TOPAZ1: variants seen among roughly 807,000 people sequenced by gnomAD.
TOPAZ1 encodes the protein testis and ovary specific TOPAZ 1.
Under a neutral mutation model 172.2 loss-of-function variants are expected in TOPAZ1, and 66 were observed. The ratio of observed to expected loss-of-function variants is 0.38; its 90% CI spans 0.31 to 0.47. The LOEUF is 0.47. TOPAZ1 is among the 20% of genes least tolerant of loss of function. The pLI is 0.99. For synonymous variants in TOPAZ1, 681 were observed against 683.9 expected (o/e 1.00, Z 0.07); for missense variants, 1,822 against 1,972.4 (o/e 0.92, Z 1.44).
chr3:44,317,790 G>C (rs2125703820), intron 16 of TOPAZ1, among the ~76,000 whole-genome samples: 1 of 152,256 alleles, frequency 6.6e-6, no homozygotes, highest in East Asian at 1.9e-4. Flanking sequence ...AAGCCCACTA[G>C]TAAACTGTTT....
In TOPAZ1 at chr3:44,243,658, A is replaced by G; in HGVS notation, c.1152A>G (p.Val384=). 1 of 1,550,166 alleles carries G rather than the reference A, an allele frequency of 6.5e-7. No individual in the cohort carries two copies. Reference sequence around the variant, plus strand: ...GTCCTTTAAATGTTTTGAGAAAAGTAAGCCATAATACAGTCTCTTTGATGG... The same window carrying G: ...GTCCTTTAAATGTTTTGAGAAAAGTGAGCCATAATACAGTCTCTTTGATGG... ...TKSPLNVLRK[V]SHNTVSLMDH... is the part of the protein sequence containing the mutation. The change falls in exon 2 of 20, where the codon GTA becomes GTG. Residue 384 remains valine (V), a synonymous_variant. Transcript: ENST00000309765.
chr3:44,244,788 T>G lies in TOPAZ1; in HGVS notation c.2282T>G (p.Phe761Cys), dbSNP rs1317181169. The change falls in exon 2 of 20, where the codon TTC becomes TGC. Residue 761 changes from phenylalanine (F) to cysteine (C), a missense_variant. Phe to Cys is a radical substitution (Grantham distance 205, BLOSUM62 -2). Transcript: ENST00000309765. ...CCAGTGCAAGCTAGTTCTGACTCAT[T>G]CTACAATAAGAAATCCTATAGTATT... is the stretch of plus-strand genomic sequence containing the variant. ...VTPVQASSDS[F>C]YNKKSYSISP... 6.4e-7 allele frequency: 1 copy of G among 1,551,504 alleles called. No individual in the cohort carries two copies. Among genetic ancestry groups the G allele is most frequent in the Non-Finnish European group, 8.7e-7 (1 of 1,146,998 alleles).
downstream of TOPAZ1, among the ~76,000 whole-genome samples, chr3:44,335,663 C>A (rs943908974): frequency 1.3e-5 from 2 of 152,104 alleles, no homozygotes; most frequent in Non-Finnish European, 2.9e-5. Flanking sequence ...GAGGGCCCCT[C>A]AATCTTGGGC....
At chr3:44,276,655 CA>C (rs1699963657) in intron 8 of TOPAZ1, among the ~76,000 whole-genome samples, 1 of 13,656 alleles carries the variant, frequency 7.3e-5, no homozygotes, top group African/African-American at 3.4e-4. Flanking sequence ...TTTTTTTTTC[CA>C]GAATTGCTTG....
chr3:44,265,428 G>A lies in TOPAZ1; in HGVS notation c.3021-1569G>A, dbSNP rs181441529. Among the ~76,000 whole-genome samples, 541 of 152,248 alleles carry A rather than the reference G, an allele frequency of 3.6e-3. 1 individual carries two copies. Among genetic ancestry groups the A allele is most frequent in the Middle Eastern group, 6.8e-3 (2 of 294 alleles). ...CATAATTAGCCAGGCGTGGTGGCGG[G>A]CACTTGTAATCCTAGCTACTCAGGA... On this transcript the variant is annotated intron_variant, in intron 5 of 19. Coordinates refer to ENST00000309765, the MANE Select transcript of TOPAZ1 (RefSeq NM_001145030.2).
At position 44,306,346 on chromosome 3, in the gene TOPAZ1, A is replaced by G; in HGVS notation, c.4060A>G (p.Ser1354Gly). The G allele has an allele frequency of 6.5e-7, 1 of 1,545,994 alleles. No homozygotes were observed. The highest frequency in any genetic ancestry group is 8.8e-7 in the Non-Finnish European group (1 of 1,142,798). ...TTCAGTTAGCAAAGATCCACAAAACAGTAAAGTAGATAAAGGTGTACTGGG... is the reference window on the plus strand; with the variant it reads ...TTCAGTTAGCAAAGATCCACAAAACGGTAAAGTAGATAAAGGTGTACTGGG... Reference protein sequence around the residue: ...AETVSKDPQNSKVDKGVLGRI... With the variant: ...AETVSKDPQNGKVDKGVLGRI... The change falls in exon 15 of 20, where the codon AGT becomes GGT. Residue 1354 changes from serine (S) to glycine (G), a missense_variant. This residue lies in a region of TOPAZ1 where 333 missense variants were observed against 481.7 expected (regional missense o/e 0.69). Transcript: ENST00000309765.
At chr3:44,334,482 A>G (rs564807095), downstream of TOPAZ1, among the ~76,000 whole-genome samples, 39 of 152,320 alleles carry the variant, frequency 2.6e-4, no homozygotes, top group South Asian at 7.7e-3. Context: ...GATTCCATCA[A>G]GAGGCCCCAT....
At position 44,269,286 on chromosome 3, in the gene TOPAZ1, G is replaced by A. The variant is rs1311054575; in HGVS notation, c.3231G>A (p.Arg1077=). 4 of 1,541,812 alleles carry A rather than the reference G, an allele frequency of 2.6e-6. No homozygotes were observed. The highest frequency in any genetic ancestry group is 3.5e-6 in the Non-Finnish European group (4 of 1,139,668). Residue 1077 remains arginine, a synonymous_variant, in exon 7 of 20, where the codon AGG becomes AGA. Transcript: ENST00000309765. ...CTGAAACTTGTGAAATATTCAAGAG[G>A]GAAAAAAATGTGGGGGTAAGTCTAC... The part of the protein sequence containing the change: ...QNPETCEIFK[R]EKNVGVFQKS...
intron 2 of TOPAZ1, among the ~76,000 whole-genome samples, chr3:44,251,178 T>C (rs1699625907): frequency 6.6e-6 from 1 of 152,090 alleles, no homozygotes; most frequent in African/African-American, 2.4e-5. Flanking sequence ...TGGAGTGCAG[T>C]GATGCCATCA....
intron 12 of TOPAZ1, among the ~76,000 whole-genome samples, chr3:44,297,369 C>T (rs1700211737): frequency 6.9e-6 from 1 of 145,760 alleles, no homozygotes; most frequent in South Asian, 2.1e-4. Context: ...TTCATCATAT[C>T]TACAACATAA....
intron 4 of TOPAZ1, among the ~76,000 whole-genome samples, chr3:44,260,755 G>T (rs1194813340): frequency 6.6e-6 from 1 of 151,812 alleles, no homozygotes; most frequent in Non-Finnish European, 1.5e-5. Context: ...TATTTGATTT[G>T]TTTTGCTATT....
chr3:44,321,105 C>T lies in TOPAZ1; in HGVS notation c.4385C>T (p.Thr1462Ile). 1 of 1,550,470 alleles carries T rather than the reference C, an allele frequency of 6.4e-7. No homozygotes were observed. Among genetic ancestry groups the T allele is most frequent in the Non-Finnish European group, 8.7e-7 (1 of 1,145,916 alleles). Reference sequence around the variant, plus strand: ...CTTAATCGACATAATTTACTCTGTACAATTGCACATGAAATCTTAGCCAAG... The same window carrying T: ...CTTAATCGACATAATTTACTCTGTATAATTGCACATGAAATCTTAGCCAAG... ...DVLNRHNLLC[T>I]IAHEILAKSL... is the part of the protein sequence containing the mutation. Residue 1462 changes from threonine (T) to isoleucine (I), a missense_variant, in exon 17 of 20, where the codon ACA (threonine) becomes ATA (isoleucine). Physicochemically the swap from Thr to Ile is moderately conservative, Grantham distance 89. Around this residue, in one of 2 missense-constraint regions of TOPAZ1, gnomAD observed 333 missense variants for 481.7 expected, o/e 0.69. Transcript: ENST00000309765.
intron 18 of TOPAZ1, among the ~76,000 whole-genome samples, chr3:44,324,299 C>G (rs564238920): frequency 6.6e-6 from 1 of 152,186 alleles, no homozygotes; most frequent in East Asian, 1.9e-4. Flanking sequence ...AAAGGGTGAT[C>G]AGAAATTTAG....
Position 44,256,281 on chromosome 3 carries a change from A to C in TOPAZ1, c.2955+3A>C. On this transcript the variant is annotated splice_donor_region_variant and intron_variant, in intron 4 of 19. Coordinates refer to ENST00000309765, the MANE Select transcript of TOPAZ1 (RefSeq NM_001145030.2). ...AAGGTTCAGACTTGGATGAAAAGGT[A>C]CTAGGGGATCTTTTGTGTTTTTTTA... The C allele has an allele frequency of 1.3e-6, 2 of 1,510,014 alleles. No individual in the cohort carries two copies. The highest frequency in any genetic ancestry group is 3.4e-4 in the Middle Eastern group (2 of 5,898). 93.5% of individuals were successfully genotyped at this position (1,510,014 alleles called of 1,614,324 possible).
Position 44,244,299 on chromosome 3 carries a change from C to T in TOPAZ1, c.1793C>T (p.Ser598Leu), listed in dbSNP as rs1699530917. The change falls in exon 2 of 20, where the codon TCA (serine) becomes TTA (leucine). Residue 598 changes from serine to leucine, a missense_variant. Ser to Leu is a moderately radical substitution (Grantham distance 145, BLOSUM62 -2). Coordinates refer to ENST00000309765, the MANE Select transcript of TOPAZ1 (RefSeq NM_001145030.2). ...PIIKDDKKIKSEELSRRGSEV... is the reference protein window; with the variant it reads ...PIIKDDKKIKLEELSRRGSEV... ...ATCAAGGATGATAAAAAGATAAAAT[C>T]AGAGGAACTGAGCAGAAGAGGGTCA... 3.2e-6 allele frequency: 5 copies of T among 1,550,606 alleles called. No homozygotes were observed. Among genetic ancestry groups the T allele is most frequent in the Admixed American group, 2.0e-5 (1 of 50,852 alleles).
chr3:44,324,208 G>A (rs896211813), intron 18 of TOPAZ1, among the ~76,000 whole-genome samples: 3 of 152,256 alleles, frequency 2.0e-5, no homozygotes, highest in African/African-American at 4.8e-5. Context: ...ATATATGCAC[G>A]TATGTATACT....
chr3:44,241,970 C>T lies in TOPAZ1; in HGVS notation c.-84C>T. 1 of 1,315,026 alleles carries T rather than the reference C, an allele frequency of 7.6e-7. No individual in the cohort carries two copies. The highest frequency in any genetic ancestry group is 1.0e-6 in the Non-Finnish European group (1 of 963,536). 81.5% of individuals were successfully genotyped at this position (1,315,026 alleles called of 1,614,324 possible). ...GGGGTGGGTCAGAGGGCAGTAGGTA[C>T]CTCCAGGCGGGAGCAGCGTTTGCAC... On this transcript the variant is annotated 5_prime_UTR_variant, in exon 1 of 20. Transcript: ENST00000309765.
intron 2 of TOPAZ1, among the ~76,000 whole-genome samples, chr3:44,253,175 A>C (rs909540684): frequency 1.3e-5 from 2 of 152,230 alleles, no homozygotes; most frequent in Non-Finnish European, 2.9e-5. Flanking sequence ...TGAAAAGGAC[A>C]TGAGGAGCTG....
intron 5 of TOPAZ1, among the ~76,000 whole-genome samples, chr3:44,263,871 A>G (rs1052258757): frequency 2.0e-5 from 3 of 152,168 alleles, no homozygotes; most frequent in Admixed American, 6.5e-5. Context: ...TCCAAATTAA[A>G]TTTTTGTAAA....
Sources: gnomAD v4.1 joint callset for allele counts (sites outside exome capture counted in the v4.1 genomes callset) on GRCh38, gnomAD v4.1.1 for gene constraint, gnomAD v4.1.1 regional missense constraint, MANE v1.5 for transcripts, NCBI Gene and HGNC (gene_info 2026-07-23, HGNC 2026-07-21) for gene names.